Variants in RAB39A observed in about 807,000 individuals in gnomAD.
RAB39A encodes ras-related protein Rab-39A.
In RAB39A, 17 loss-of-function variants were observed where a neutral mutation model predicts 20.9. The observed-to-expected ratio is 0.81, with a 90% CI of 0.56 to 1.22. The LOEUF (loss-of-function observed/expected upper bound fraction) is 1.22, where lower values mean the gene tolerates loss of function less well. Among genes scored for constraint, RAB39A ranks in the 50% most tolerant of loss-of-function variants. The probability of loss-of-function intolerance (pLI) is 0.00; values close to 1 mark genes in which losing one functional copy is unlikely to be tolerated. For missense variants in RAB39A, 234 were observed against 270.5 expected (o/e 0.87, Z 0.95); for synonymous variants, 99 against 103.4 (o/e 0.96, Z 0.26).
At chr11:107,929,836 G>A (rs1861118791) in intron 1 of RAB39A, among the ~76,000 whole-genome samples, 1 of 152,182 alleles carries the variant, frequency 6.6e-6, no homozygotes, top group Admixed American at 6.6e-5. Flanking sequence ...GGAAGATGGT[G>A]AAACTGATGT....
At chr11:107,949,837 T>G (rs1226007527) in intron 1 of RAB39A, among the ~76,000 whole-genome samples, 2 of 152,216 alleles carry the variant, frequency 1.3e-5, no homozygotes, top group Non-Finnish European at 2.9e-5. Context: ...AAAGTACGAT[T>G]TAAATTACTA....
intron 1 of RAB39A, among the ~76,000 whole-genome samples, chr11:107,953,387 A>G (rs186808903): frequency 5.1e-4 from 77 of 152,288 alleles, no homozygotes; most frequent in African/African-American, 1.6e-3. Context: ...GTTGAGGTGC[A>G]GAGACTTGAT....
intron 1 of RAB39A, among the ~76,000 whole-genome samples, chr11:107,932,017 G>A (rs1391396563): frequency 2.2e-5 from 3 of 138,026 alleles, no homozygotes; most frequent in Non-Finnish European, 5.0e-5. Flanking sequence ...ACACCACCAC[G>A]CCTAGCTAAT....
At chr11:107,958,016 C>G (rs147522438) in intron 1 of RAB39A, among the ~76,000 whole-genome samples, 298 of 152,186 alleles carry the variant, frequency 2.0e-3, no homozygotes, top group South Asian at 5.6e-3. Flanking sequence ...CTCAGCCTCC[C>G]AAGTAGCTTG....
chr11:107,943,814 G>T (rs1861282902), intron 1 of RAB39A, among the ~76,000 whole-genome samples: 1 of 152,122 alleles, frequency 6.6e-6, no homozygotes, highest in Non-Finnish European at 1.5e-5. Context: ...TAGTCCAGAG[G>T]CTGGGTGCAG....
At chr11:107,935,870 TG>T (rs56869730) in intron 1 of RAB39A, among the ~76,000 whole-genome samples, 147,470 of 147,470 alleles carry the variant, frequency 1, 73,735 homozygotes, top group Non-Finnish European at 1. Context: ...CCCAACTTTC[TG>T]GGGAACGCAG....
intron 1 of RAB39A, among the ~76,000 whole-genome samples, chr11:107,942,321 G>A (rs948311387): frequency 6.6e-6 from 1 of 152,116 alleles, no homozygotes; most frequent in African/African-American, 2.4e-5. Flanking sequence ...CAACATTTTG[G>A]CCATTTTGAT....
intron 1 of RAB39A, among the ~76,000 whole-genome samples, chr11:107,937,083 T>C (rs764748106): frequency 6.6e-6 from 1 of 152,180 alleles, no homozygotes; most frequent in Non-Finnish European, 1.5e-5. Context: ...TCAGGTAATA[T>C]AATGTCTTAG....
intron 1 of RAB39A, among the ~76,000 whole-genome samples, chr11:107,932,453 A>AT (rs1393246278): frequency 6.6e-6 from 1 of 152,218 alleles, no homozygotes; most frequent in African/African-American, 2.4e-5. Context: ...TGTTACCATC[A>AT]TCTACATGAG....
intron 1 of RAB39A, among the ~76,000 whole-genome samples, chr11:107,950,313 A>G (rs1197654196): frequency 1.3e-5 from 2 of 152,228 alleles, no homozygotes; most frequent in Non-Finnish European, 2.9e-5. Context: ...AGCTTTTTTT[A>G]TATTTCTCTT....
At chr11:107,947,991 C>CAG (rs1861336540) in intron 1 of RAB39A, among the ~76,000 whole-genome samples, 1 of 151,360 alleles carries the variant, frequency 6.6e-6, no homozygotes, top group Non-Finnish European at 1.5e-5. Flanking sequence ...TACACACACA[C>CAG]ACACACACAC....
intron 1 of RAB39A, among the ~76,000 whole-genome samples, chr11:107,953,968 T>C (rs898375865): frequency 6.6e-6 from 1 of 152,204 alleles, no homozygotes; most frequent in East Asian, 1.9e-4. Context: ...CATTTCCCTA[T>C]CTCCACCACT....
intron 1 of RAB39A, among the ~76,000 whole-genome samples, chr11:107,939,788 G>A (rs1181638159): frequency 6.6e-6 from 1 of 152,092 alleles, no homozygotes; most frequent in African/African-American, 2.4e-5. Context: ...GATGGGTGTT[G>A]GAATTTTCTC....
chr11:107,953,740 A>G (rs951077212), intron 1 of RAB39A, among the ~76,000 whole-genome samples: 2 of 152,122 alleles, frequency 1.3e-5, no homozygotes, highest in Non-Finnish European at 2.9e-5. Context: ...TGCTTCCCAC[A>G]CCACAGCTTC....
At chr11:107,936,690 G>A (rs930340428) in intron 1 of RAB39A, among the ~76,000 whole-genome samples, 15 of 152,038 alleles carry the variant, frequency 9.9e-5, no homozygotes, top group African/African-American at 3.1e-4. Flanking sequence ...AAAAGAAAAC[G>A]ATTTTTTGTT....
chr11:107,928,583 G>A lies in RAB39A; in HGVS notation c.15G>A (p.Trp5Ter). The change falls in exon 1 of 2, where the codon TGG (tryptophan) becomes TGA (stop). Residue 5 changes from tryptophan to a stop codon, truncating the protein, a stop_gained. Coordinates refer to ENST00000320578, the MANE Select transcript of RAB39A (RefSeq NM_017516.3). LOFTEE classifies it high-confidence loss of function. This position sits in a 1 kb window ranked among gnomAD's most constrained non-coding sequence, Gnocchi z 4.9. METI[W>*]IYQFRLIVIG... is the part of the protein sequence containing the mutation. ...GCACGTGAGCGATGGAGACCATCTG[G>A]ATCTACCAGTTCCGCCTCATCGTGA... 1 of 1,563,530 alleles carries A rather than the reference G, an allele frequency of 6.4e-7. No individual in the cohort carries two copies. The highest frequency in any genetic ancestry group is 8.7e-7 in the Non-Finnish European group (1 of 1,145,526).
At chr11:107,954,891 G>A (rs1275787938) in intron 1 of RAB39A, among the ~76,000 whole-genome samples, 1 of 150,930 alleles carries the variant, frequency 6.6e-6, no homozygotes, top group Non-Finnish European at 1.5e-5. Context: ...CAGTCACTTG[G>A]TGTTCTACCA....
intron 1 of RAB39A, among the ~76,000 whole-genome samples, chr11:107,961,075 T>G (rs1208698938): frequency 6.6e-6 from 1 of 152,204 alleles, no homozygotes; most frequent in Non-Finnish European, 1.5e-5. Flanking sequence ...GTTTCTTGAA[T>G]AGGTGCAACA....
chr11:107,947,392 C>G (rs1007456439), intron 1 of RAB39A, among the ~76,000 whole-genome samples: 2 of 152,146 alleles, frequency 1.3e-5, no homozygotes, highest in Non-Finnish European at 2.9e-5. Context: ...CAGGTATGAG[C>G]CACCGCGCCT....
Sources: gnomAD v4.1 joint callset for allele counts (sites outside exome capture counted in the v4.1 genomes callset) on GRCh38, gnomAD v4.1.1 for gene constraint, Gnocchi (gnomAD v3.1) non-coding constraint, MANE v1.5 for transcripts, NCBI Gene and HGNC (gene_info 2026-07-23, HGNC 2026-07-21) for gene names.